Variants in SORCS1 observed in about 807,000 individuals in gnomAD.
The protein encoded by SORCS1 is VPS10 domain-containing receptor SorCS1.
Under a neutral mutation model 146.1 loss-of-function variants are expected in SORCS1, and 60 were observed. That is an observed-to-expected ratio of 0.41 (90% confidence interval 0.33 to 0.51). SORCS1 has a LOEUF of 0.51. SORCS1 is among the 20% of genes least tolerant of loss of function. SORCS1 has a pLI of 0.21. For missense variants in SORCS1, 1,352 were observed against 1,487.6 expected (o/e 0.91, Z 1.50); for synonymous variants, 637 against 584.0 (o/e 1.09, Z -1.31).
intron 1 of SORCS1, among the ~76,000 whole-genome samples, chr10:106,983,125 T>A (rs1217769666): frequency 6.7e-6 from 1 of 148,352 alleles, no homozygotes; most frequent in African/African-American, 2.4e-5. Flanking sequence ...TATATATATT[T>A]CTATAAATAT....
intron 2 of SORCS1, among the ~76,000 whole-genome samples, chr10:106,850,255 C>A (rs1949501953): frequency 6.6e-6 from 1 of 151,970 alleles, no homozygotes; most frequent in African/African-American, 2.4e-5. Context: ...GGGTGGAGGA[C>A]CCTCCGAGCC....
intron 1 of SORCS1, among the ~76,000 whole-genome samples, chr10:107,091,132 C>T (rs1275565643): frequency 6.6e-6 from 1 of 152,244 alleles, no homozygotes; most frequent in East Asian, 1.9e-4. Context: ...CATGCAGCAT[C>T]CTTTACCACA....
intron 1 of SORCS1, among the ~76,000 whole-genome samples, chr10:107,128,361 T>C (rs1043900348): frequency 6.6e-6 from 1 of 152,076 alleles, no homozygotes; most frequent in Non-Finnish European, 1.5e-5. Context: ...GTTAGGGAAG[T>C]TGCAAATCTC....
intron 2 of SORCS1, among the ~76,000 whole-genome samples, chr10:106,842,379 G>T (rs748569367): frequency 2.6e-5 from 4 of 151,940 alleles, no homozygotes; most frequent in Admixed American, 2.6e-4. Context: ...GACTACCCTT[G>T]TGCACCACCA....
chr10:107,142,130 C>A (rs1967898140), intron 1 of SORCS1, among the ~76,000 whole-genome samples: 1 of 152,146 alleles, frequency 6.6e-6, no homozygotes, highest in Non-Finnish European at 1.5e-5. Context: ...CCTGGCTTGG[C>A]CCTCTTATTT....
Position 107,153,170 on chromosome 10 carries a change from C to A in SORCS1, c.558+10799G>T, listed in dbSNP as rs527703423. On this transcript the variant is annotated intron_variant, in intron 1 of 25. Transcript: ENST00000263054. ...GTTATTTATGTCTCTCTGTCTCCTT[C>A]TCTCTGTTTTTTTTTTCCATCTCTC... Among the ~76,000 whole-genome samples, 10 of 151,946 alleles carry A rather than the reference C, an allele frequency of 6.6e-5. No homozygotes were observed. In the South Asian group the frequency reaches 2.1e-3, roughly 32 times the overall value.
chr10:107,126,241 C>T (rs1966704653), intron 1 of SORCS1, among the ~76,000 whole-genome samples: 1 of 151,922 alleles, frequency 6.6e-6, no homozygotes, highest in Non-Finnish European at 1.5e-5. Context: ...AACAAACAAA[C>T]AAACAACAAA....
chr10:106,929,584 C>T (rs1019238070), intron 2 of SORCS1, among the ~76,000 whole-genome samples: 2 of 152,142 alleles, frequency 1.3e-5, no homozygotes, highest in African/African-American at 4.8e-5. Context: ...AGCAGATCAA[C>T]CAAAAAACGC....
At chr10:106,933,025 T>G (rs900271440) in intron 2 of SORCS1, among the ~76,000 whole-genome samples, 3 of 152,230 alleles carry the variant, frequency 2.0e-5, no homozygotes, top group African/African-American at 7.2e-5. Flanking sequence ...ATGATTTACC[T>G]GGACAGCACG....
At chr10:107,112,244 A>C (rs957746175) in intron 1 of SORCS1, among the ~76,000 whole-genome samples, 6 of 152,276 alleles carry the variant, frequency 3.9e-5, no homozygotes, top group Non-Finnish European at 4.4e-5. Flanking sequence ...TTTTATAAAA[A>C]AATGGGAAAT....
At chr10:107,179,963 CTAGA>C in the SORCS1 span, among the ~76,000 whole-genome samples, 46 of 114,334 alleles carry the variant, frequency 4.0e-4, no homozygotes, top group Admixed American at 1.1e-3. Flanking sequence ...GTCACCCAGG[CTAGA>C]GTGCAGTGGT....
intron 1 of SORCS1, among the ~76,000 whole-genome samples, chr10:107,021,208 T>C (rs1384889357): frequency 6.6e-6 from 1 of 151,948 alleles, no homozygotes; most frequent in African/African-American, 2.4e-5. Context: ...AAACTGTTCG[T>C]GAATTTAAGA....
At chr10:106,665,077 C>T (rs1851029562) in intron 17 of SORCS1, among the ~76,000 whole-genome samples, 1 of 152,200 alleles carries the variant, frequency 6.6e-6, no homozygotes, top group African/African-American at 2.4e-5. Context: ...TAGCTTATTC[C>T]TTTATTCAAA....
intron 2 of SORCS1, among the ~76,000 whole-genome samples, chr10:106,890,416 T>C (rs4917491): frequency 0.33 from 49,812 of 151,968 alleles, 9,083 homozygotes; most frequent in Non-Finnish European, 0.42. Flanking sequence ...ACAACCTGAT[T>C]ATACCTAGAA....
chr10:107,092,217 A>G (rs1159533694), intron 1 of SORCS1, among the ~76,000 whole-genome samples: 1 of 152,224 alleles, frequency 6.6e-6, no homozygotes, highest in Non-Finnish European at 1.5e-5. Context: ...GGAGCTTAGG[A>G]AAGAGAGAGA....
At chr10:106,631,275 C>A (rs1417150692) in intron 18 of SORCS1, among the ~76,000 whole-genome samples, 1 of 152,184 alleles carries the variant, frequency 6.6e-6, no homozygotes, top group East Asian at 1.9e-4. Flanking sequence ...AAATTCCATT[C>A]AAAACTACAA....
chr10:106,837,433 T>C (rs1948832424), intron 2 of SORCS1, among the ~76,000 whole-genome samples: 1 of 152,018 alleles, frequency 6.6e-6, no homozygotes, highest in Non-Finnish European at 1.5e-5. Context: ...AGCTGGGAAA[T>C]TAATTTATGA....
intron 2 of SORCS1, among the ~76,000 whole-genome samples, chr10:106,857,342 C>G (rs1037296695): frequency 2.0e-5 from 3 of 152,224 alleles, no homozygotes; most frequent in Admixed American, 6.5e-5. Context: ...CAGAGCCATA[C>G]TGCCAAGGTC....
At chr10:106,626,127 A>G (rs1276187174) in intron 19 of SORCS1, among the ~76,000 whole-genome samples, 1 of 151,998 alleles carries the variant, frequency 6.6e-6, no homozygotes, top group Non-Finnish European at 1.5e-5. Flanking sequence ...GAATCAAATC[A>G]CTTTTCTGCA....
Sources: allele counts gnomAD v4.1 joint callset (sites outside exome capture counted in the v4.1 genomes callset), GRCh38; gene constraint gnomAD v4.1.1; transcripts MANE v1.5; gene names NCBI Gene and HGNC (gene_info 2026-07-23, HGNC 2026-07-21).